Variants in JAK2 observed in about 807,000 individuals in gnomAD.
The protein encoded by JAK2 is tyrosine-protein kinase JAK2.
A neutral mutation model predicts 139.3 loss-of-function variants in JAK2; 86 were observed. That is an observed-to-expected ratio of 0.62 (90% confidence interval 0.52 to 0.74). The LOEUF (loss-of-function observed/expected upper bound fraction) is 0.74, where lower values mean the gene tolerates loss of function less well. JAK2 is among the 30% of genes least tolerant of loss of function. The probability of loss-of-function intolerance (pLI) is 0.00; values close to 1 mark genes in which losing one functional copy is unlikely to be tolerated. For synonymous variants in JAK2, 490 were observed against 437.7 expected (o/e 1.12, Z -1.49); for missense variants, 1,421 against 1,360.3 (o/e 1.04, Z -0.70).
rs189428803 is a variant in JAK2 at position 5,122,774 on chromosome 9, A to C, written c.3060-230A>C. On this transcript the variant is annotated intron_variant, in intron 22 of 24. Coordinates refer to ENST00000381652, the MANE Select transcript of JAK2 (RefSeq NM_004972.4). ...ATAAACCGTATTGTTTGTACAAACA[A>C]TCTAGGCATAGTGAGTCACTCTTAT... Among the ~76,000 whole-genome samples the C allele has an allele frequency of 3.3e-3, 496 of 152,168 alleles. 1 individual carries two copies. Among genetic ancestry groups the C allele is most frequent in the Non-Finnish European group, 4.0e-3 (272 of 67,928 alleles).
chr9:5,096,899 C>T (rs1013122896), intron 22 of JAK2: 2 of 152,100 alleles, frequency 1.3e-5, no homozygotes, highest in Admixed American at 1.3e-4. Context: ...TTGGGGGTTT[C>T]GGCAACTAAC....
chr9:5,014,164 CTTTTTTTT>C (rs200845162), intron 2 of JAK2, among the ~76,000 whole-genome samples: 1 of 117,542 alleles, frequency 8.5e-6, no homozygotes, highest in Admixed American at 8.6e-5. Flanking sequence ...TTTACTCTTT[CTTTTTTTT>C]TTTTTTTTTT....
Position 5,127,337 on chromosome 9 carries a change from T to C in JAK2, c.*546T>C, listed in dbSNP as rs1183174487. On this transcript the variant is annotated 3_prime_UTR_variant, in exon 25 of 25. Transcript: ENST00000381652. ...TAATTGAATAAGTACCTTTGTGTCC[T>C]TGTTCATTTATATCGCTGGCCAGCA... 1.3e-5 allele frequency: 3 copies of C among 232,122 alleles called. No homozygotes were observed. The highest frequency in any genetic ancestry group is 2.2e-5 in the African/African-American group (1 of 45,382). The allele number at this position is 232,122 out of a possible 1,614,324, so 14.4% of individuals were successfully genotyped here.
intron 3 of JAK2, among the ~76,000 whole-genome samples, chr9:5,027,549 T>C (rs1344440958): frequency 6.6e-6 from 1 of 152,140 alleles, no homozygotes; most frequent in Non-Finnish European, 1.5e-5. Context: ...AATAAGACAA[T>C]GAAGGTTGCT....
At chr9:5,031,094 G>T (rs1037026539) in intron 4 of JAK2, among the ~76,000 whole-genome samples, 4 of 152,026 alleles carry the variant, frequency 2.6e-5, no homozygotes, top group African/African-American at 9.7e-5. Context: ...GAAGAATTAG[G>T]ACATAACATT....
At chr9:5,085,705 T>C (rs748099341) in intron 19 of JAK2, 28 of 749,034 alleles carry the variant, frequency 3.7e-5, no homozygotes, top group Non-Finnish European at 6.7e-5. Context: ...TGAACAAGAC[T>C]AGCAGTGTGG....
At chr9:5,035,755 C>G (rs1009565566) in intron 4 of JAK2, among the ~76,000 whole-genome samples, 3 of 152,166 alleles carry the variant, frequency 2.0e-5, no homozygotes, top group Non-Finnish European at 4.4e-5. Flanking sequence ...CTATCTATGA[C>G]ATACCGACAG....
intron 7 of JAK2, 107 bp from the exon 8 acceptor site, chr9:5,055,562 C>A: frequency 3.4e-6 from 3 of 871,314 alleles, no homozygotes; most frequent in Non-Finnish European, 5.1e-6. Flanking sequence ...TTATCAATAC[C>A]TTTTTTATTT....
At chr9:4,984,534 G>C (rs186279630), upstream of JAK2, 391 of 152,518 alleles carry the variant, frequency 2.6e-3, 1 homozygote, top group South Asian at 8.5e-3. Context: ...GCTGATGGGA[G>C]TCAGGCTCTC....
intron 8 of JAK2, among the ~76,000 whole-genome samples, chr9:5,057,529 A>C (rs1304519568): frequency 6.6e-6 from 1 of 151,800 alleles, no homozygotes; most frequent in Admixed American, 6.6e-5. Context: ...CATTAAATAA[A>C]AACTCACCAT....
chr9:5,104,935 A>C (rs187060320), intron 22 of JAK2, among the ~76,000 whole-genome samples: 1 of 152,330 alleles, frequency 6.6e-6, no homozygotes, highest in African/African-American at 2.4e-5. Context: ...GTTTATGACA[A>C]ACTCACAGCC....
chr9:5,079,735 A>C (rs979214437), intron 16 of JAK2, among the ~76,000 whole-genome samples: 2 of 152,026 alleles, frequency 1.3e-5, no homozygotes, highest in Non-Finnish European at 2.9e-5. Flanking sequence ...TGGGTGGATC[A>C]CTTAAGCCCA....
chr9:5,088,406 A>C (rs1820296656), intron 19 of JAK2, among the ~76,000 whole-genome samples: 1 of 152,234 alleles, frequency 6.6e-6, no homozygotes, highest in African/African-American at 2.4e-5. Flanking sequence ...TCCTGTAAGA[A>C]TGCAATAATA....
intron 22 of JAK2, chr9:5,114,568 A>C (rs1440794219): frequency 4.1e-6 from 2 of 489,786 alleles, no homozygotes; most frequent in African/African-American, 3.9e-5. Flanking sequence ...CTGATCCAGA[A>C]CTTCTGGCCC....
In JAK2 at chr9:5,069,952, C is replaced by T. The variant is rs374192423; in HGVS notation, c.1541C>T (p.Thr514Met). ...AAATCAAACCTTCTAGTCTTCAGAA[C>T]GAATGGTGTTTCTGATGTACCAACC... ...KDKSNLLVFR[T>M]NGVSDVPTSP... The change falls in exon 12 of 25, where the codon ACG becomes ATG. Residue 514 changes from threonine to methionine, a missense_variant. Thr to Met is a moderately conservative substitution (Grantham distance 81). Transcript: ENST00000381652. The T allele has an allele frequency of 1.8e-5, 29 of 1,602,098 alleles. No homozygotes were observed. The highest frequency in any genetic ancestry group is 5.1e-5 in the Admixed American group (3 of 59,370).
chr9:5,009,008 A>G (rs1045344484), intron 2 of JAK2, among the ~76,000 whole-genome samples: 1 of 152,050 alleles, frequency 6.6e-6, no homozygotes, highest in Admixed American at 6.5e-5. Flanking sequence ...GTATTATTCA[A>G]CTCTTTCACT....
intron 2 of JAK2, among the ~76,000 whole-genome samples, chr9:4,993,248 T>G (rs1165370881): frequency 6.6e-6 from 1 of 152,224 alleles, no homozygotes; most frequent in Non-Finnish European, 1.5e-5. Flanking sequence ...TTAGATAATA[T>G]TTCGTCTGAA....
chr9:4,998,802 T>G (rs1385451568), intron 2 of JAK2, among the ~76,000 whole-genome samples: 1 of 151,880 alleles, frequency 6.6e-6, no homozygotes, highest in African/African-American at 2.4e-5. Flanking sequence ...GAATAATTTA[T>G]ATTTTCTTCT....
intron 2 of JAK2, among the ~76,000 whole-genome samples, chr9:5,011,610 C>G (rs1181711707): frequency 6.6e-6 from 1 of 152,086 alleles, no homozygotes; most frequent in African/African-American, 2.4e-5. Context: ...AAAATAAATT[C>G]TAATATTTGG....
Sources: allele counts gnomAD v4.1 joint callset (sites outside exome capture counted in the v4.1 genomes callset), GRCh38; gene constraint gnomAD v4.1.1; transcripts MANE v1.5; gene names NCBI Gene and HGNC (gene_info 2026-07-23, HGNC 2026-07-21).